Variants in MKRN1 observed in about 807,000 individuals in gnomAD.
The protein encoded by MKRN1 is E3 ubiquitin-protein ligase makorin-1.
MKRN1 carries 9 observed loss-of-function variants against 55.5 expected under a neutral mutation model. That is an observed-to-expected ratio of 0.16 (90% CI 0.10 to 0.28). MKRN1 has a LOEUF of 0.28. Ranked by LOEUF, MKRN1 falls within the 10% of genes least tolerant of loss-of-function variation. MKRN1 has a pLI of 1.00. For missense variants in MKRN1, 488 were observed against 626.7 expected (o/e 0.78, Z 2.36); for synonymous variants, 253 against 235.9 (o/e 1.07, Z -0.66).
Position 140,456,715 on chromosome 7 carries a change from G to C in MKRN1, c.923C>G (p.Thr308Ser). Residue 308 changes from threonine (T) to serine (S), a missense_variant, in exon 5 of 8, where the codon ACC (threonine) becomes AGC (serine). Thr to Ser is a moderately conservative substitution (Grantham distance 58, BLOSUM62 1). This residue lies in a region of MKRN1 where 278 missense variants were observed against 406.7 expected (regional missense o/e 0.68). Coordinates refer to ENST00000255977, the MANE Select transcript of MKRN1 (RefSeq NM_013446.4). ...RFGILSNCNH[T>S]YCLKCIRKWR... ...CTTGCGAATGCACTTGAGACAGTAGGTGTGGTTGCAGTTGGAGAGGATCCC... is the reference window on the plus strand; with the variant it reads ...CTTGCGAATGCACTTGAGACAGTAGCTGTGGTTGCAGTTGGAGAGGATCCC... 5.0e-6 allele frequency: 8 copies of C among 1,614,128 alleles called. No individual in the cohort carries two copies. Among genetic ancestry groups the C allele is most frequent in the Non-Finnish European group, 6.8e-6 (8 of 1,180,010 alleles).
Position 140,479,172 on chromosome 7 carries a change from T to C in MKRN1, c.173A>G (p.Gln58Arg), listed in dbSNP as rs1192575951. ...SDGSGGGWTKQVTCRYFMHGV... is the reference protein window; with the variant it reads ...SDGSGGGWTKRVTCRYFMHGV... ...CGCAACGTCCTACCTGCAGGTGACC[T>C]GTTTAGTCCAGCCGCCGCCGCTGCC... The change falls in exon 1 of 8, where the codon CAG (glutamine) becomes CGG (arginine). Residue 58 changes from glutamine to arginine, a missense_variant. By Grantham distance (43) the Gln-to-Arg change is conservative (BLOSUM62 1). Coordinates refer to ENST00000255977, the MANE Select transcript of MKRN1 (RefSeq NM_013446.4). 4 of 1,442,676 alleles carry C rather than the reference T, an allele frequency of 2.8e-6. No individual in the cohort carries two copies. The highest frequency in any genetic ancestry group is 1.5e-5 in the African/African-American group (1 of 66,748). 89.4% of individuals were successfully genotyped at this position (1,442,676 alleles called of 1,614,324 possible). A position where few individuals can be genotyped will look rare whatever the true frequency, so the allele number is the denominator to read the frequency against.
At chr7:140,462,364 T>C (rs1237742365) in intron 2 of MKRN1, among the ~76,000 whole-genome samples, 1 of 152,252 alleles carries the variant, frequency 6.6e-6, no homozygotes, top group African/African-American at 2.4e-5. Flanking sequence ...ATGCATATAG[T>C]AAATTTAACT....
At chr7:140,472,872 C>A (rs113482098) in intron 1 of MKRN1, among the ~76,000 whole-genome samples, 9,797 of 151,236 alleles carry the variant, frequency 0.065, 1,073 homozygotes, top group African/African-American at 0.22. Flanking sequence ...AATCCCAGCA[C>A]TTTGGGAGGC....
intron 5 of MKRN1, chr7:140,456,152 A>G (rs1442228427): frequency 1.7e-6 from 2 of 1,202,238 alleles, no homozygotes; most frequent in Non-Finnish European, 2.1e-6. Flanking sequence ...TAGGTAAAAA[A>G]CAAAAACAAA....
At chr7:140,456,075 A>C (rs770311444) in intron 5 of MKRN1, 175 bp from the exon 6 acceptor site, 63 of 989,198 alleles carry the variant, frequency 6.4e-5, no homozygotes, top group Non-Finnish European at 5.7e-5. Context: ...CAAGCAAGGC[A>C]ACCTCCTTTA....
rs1062775 is a variant in MKRN1, at chr7:140,455,224, C to G, written c.1107G>C (p.Ala369=). 6.2e-7 allele frequency: 1 copy of G among 1,614,014 alleles called. No individual in the cohort carries two copies. The change falls in exon 7 of 8, where the codon GCG becomes GCC. Residue 369 remains alanine (A), a synonymous_variant. Coordinates refer to ENST00000255977, the MANE Select transcript of MKRN1 (RefSeq NM_013446.4). ...LKYKEAMSNK[A]CRYFDEGRGS... ...CACGTCCTTCATCAAAATACCTGCA[C>G]GCCTTGTTGCTGGAAAGGAAAATAT...
chr7:140,479,444 G>A lies in MKRN1; in HGVS notation c.-100C>T. The stretch of plus-strand genomic sequence containing the variant: ...ACGGCGAGGCCAGGCGAGGGGAGGG[G>A]AAGGACACTGAGGCACCCGTTCGGT... On this transcript the variant is annotated 5_prime_UTR_variant, in exon 1 of 8. Coordinates refer to ENST00000255977, the MANE Select transcript of MKRN1 (RefSeq NM_013446.4). The A allele has an allele frequency of 8.4e-7, 1 of 1,185,792 alleles. No homozygotes were observed. Among genetic ancestry groups the A allele is most frequent in the Non-Finnish European group, 1.1e-6 (1 of 939,144 alleles). The allele number at this position is 1,185,792 out of a possible 1,614,324, so 73.5% of individuals were successfully genotyped here.
At chr7:140,464,697 C>A (rs1794720817) in intron 2 of MKRN1, among the ~76,000 whole-genome samples, 1 of 151,732 alleles carries the variant, frequency 6.6e-6, no homozygotes, top group South Asian at 2.1e-4. Context: ...AAGAGTGAAA[C>A]TCAGTCTCAA....
chr7:140,464,581 T>C (rs1011068211), intron 2 of MKRN1, among the ~76,000 whole-genome samples: 19 of 152,136 alleles, frequency 1.2e-4, no homozygotes, highest in African/African-American at 4.3e-4. Flanking sequence ...GGTGCATGCC[T>C]GTAATCTCAG....
intron 2 of MKRN1, among the ~76,000 whole-genome samples, chr7:140,466,728 T>C (rs954437705): frequency 1.4e-5 from 2 of 139,324 alleles, no homozygotes; most frequent in Non-Finnish European, 1.5e-5. Flanking sequence ...GGCGTGAACG[T>C]GGGAAGCGGA....
At chr7:140,468,701 CAA>C (rs528725182) in intron 2 of MKRN1, among the ~76,000 whole-genome samples, 14 of 32,122 alleles carry the variant, frequency 4.4e-4, no homozygotes, top group African/African-American at 5.9e-4. Context: ...CTCTGTCTCA[CAA>C]AAAAAAAAAA....
chr7:140,462,665 C>T (rs969683846), intron 2 of MKRN1, among the ~76,000 whole-genome samples: 16 of 151,770 alleles, frequency 1.1e-4, no homozygotes, highest in African/African-American at 2.9e-4. Context: ...TCCGTCTCTA[C>T]TAAAAATAAA....
intron 6 of MKRN1, 197 bp from the exon 7 acceptor site, chr7:140,455,430 A>G (rs1794439994): frequency 1.6e-6 from 1 of 642,428 alleles, no homozygotes; most frequent in African/African-American, 1.8e-5. Context: ...GTTCAAGTCT[A>G]TGCTGGTTAA....
chr7:140,469,768 T>C (rs1794869630), intron 2 of MKRN1, among the ~76,000 whole-genome samples: 1 of 151,248 alleles, frequency 6.6e-6, no homozygotes, highest in Non-Finnish European at 1.5e-5. Context: ...CAAAAGTTAG[T>C]GGGGTGTGGG....
Position 140,453,200 on chromosome 7 carries a change from G to A in MKRN1, c.*1317C>T, listed in dbSNP as rs968623590. 2.0e-5 allele frequency: 3 copies of A among 152,538 alleles called. No individual in the cohort carries two copies. Among genetic ancestry groups the A allele is most frequent in the Non-Finnish European group, 4.4e-5 (3 of 68,036 alleles). 9.4% of individuals were successfully genotyped at this position (152,538 alleles called of 1,614,324 possible). On this transcript the variant is annotated 3_prime_UTR_variant, in exon 8 of 8. Coordinates refer to ENST00000255977, the MANE Select transcript of MKRN1 (RefSeq NM_013446.4). Reference sequence around the variant, plus strand: ...TCAAAGCAGTAGATGGACAAACCAGGAGCATCCCCGAGTTATTTTCAGGAA... The same window carrying A: ...TCAAAGCAGTAGATGGACAAACCAGAAGCATCCCCGAGTTATTTTCAGGAA...
At chr7:140,456,462 A>C (rs1794468838) in intron 5 of MKRN1, 190 bp downstream of exon 5, 11 of 1,419,682 alleles carry the variant, frequency 7.7e-6, no homozygotes, top group Non-Finnish European at 8.3e-6. Flanking sequence ...TCCTCATTCA[A>C]ATAAAAGTAG....
Position 140,479,295 on chromosome 7 carries a change from C to G in MKRN1, c.50G>C (p.Gly17Ala), listed in dbSNP as rs939963126. 2 of 1,379,820 alleles carry G rather than the reference C, an allele frequency of 1.4e-6. No individual in the cohort carries two copies. The highest frequency in any genetic ancestry group is 3.7e-5 in the Admixed American group (1 of 26,690). The allele number at this position is 1,379,820 out of a possible 1,614,324, so 85.5% of individuals were successfully genotyped here. The change falls in exon 1 of 8, where the codon GGA becomes GCA. Residue 17 changes from glycine to alanine, a missense_variant. Around this residue, in one of 2 missense-constraint regions of MKRN1, gnomAD observed 210 missense variants for 220.0 expected, o/e 0.95. Transcript: ENST00000255977. ...PGTTATTSGA[G>A]AAAATAAAAS... ...TGCTGCCGCCGTCGCCGCTGCCGCT[C>G]CTGCTCCTGATGTTGTGGCTGTTGT...
intron 3 of MKRN1, 115 bp from the exon 4 acceptor site, chr7:140,459,348 G>T: frequency 9.9e-7 from 1 of 1,011,258 alleles, no homozygotes; most frequent in Non-Finnish European, 1.5e-6. Flanking sequence ...TACCAAAACA[G>T]TCTACTGAAC....
chr7:140,459,988 T>A (rs1487383178), intron 2 of MKRN1, 52 bp from the exon 3 acceptor site: 1 of 1,488,896 alleles, frequency 6.7e-7, no homozygotes, highest in East Asian at 2.3e-5. Flanking sequence ...GGCTCAAGCC[T>A]GTAATCCCAA....
Sources: gnomAD v4.1 joint callset for allele counts (sites outside exome capture counted in the v4.1 genomes callset) on GRCh38, gnomAD v4.1.1 for gene constraint, gnomAD v4.1.1 regional missense constraint, MANE v1.5 for transcripts, NCBI Gene and HGNC (gene_info 2026-07-23, HGNC 2026-07-21) for gene names.